Variants in MEF2A observed in about 807,000 individuals in gnomAD.
The protein encoded by MEF2A is myocyte enhancer factor 2A.
MEF2A carries 28 observed loss-of-function variants against 55.8 expected under a neutral mutation model. The ratio of observed to expected loss-of-function variants is 0.50; its 90% CI spans 0.37 to 0.69. The LOEUF is 0.69. MEF2A is among the 30% of genes least tolerant of loss of function. The probability of loss-of-function intolerance (pLI) is 0.00; values close to 1 mark genes in which losing one functional copy is unlikely to be tolerated. For missense variants in MEF2A, 528 were observed against 626.2 expected, an observed-to-expected ratio of 0.84 and a Z score of 1.67; for synonymous variants, 239 against 227.1, an observed-to-expected ratio of 1.05 and a Z score of -0.47.
At chr15:99,691,832 A>C (rs1045470066) in intron 8 of MEF2A, among the ~76,000 whole-genome samples, 2 of 152,230 alleles carry the variant, frequency 1.3e-5, no homozygotes, top group Admixed American at 1.3e-4. Context: ...ATTTAACTGT[A>C]TAAAGAATGC....
chr15:99,710,839 T>C (rs2058564215), intron 11 of MEF2A, 79 bp downstream of exon 11: 1 of 1,495,250 alleles, frequency 6.7e-7, no homozygotes. Flanking sequence ...AGCCTTTTGC[T>C]CTGTTGAGTT....
chr15:99,659,722 A>G, intron 4 of MEF2A, among the ~76,000 whole-genome samples: 1 of 152,164 alleles, frequency 6.6e-6, no homozygotes, highest in Non-Finnish European at 1.5e-5. Flanking sequence ...TCTCCTCTAT[A>G]AGGGTAGAAG....
intron 4 of MEF2A, among the ~76,000 whole-genome samples, chr15:99,656,898 C>G (rs1046390834): frequency 3.9e-5 from 6 of 152,046 alleles, no homozygotes; most frequent in Admixed American, 2.0e-4. Context: ...TGAACGCTAT[C>G]TAATTCTAGA....
rs1435130862 is a variant in MEF2A at position 99,659,139 on chromosome 15, C to G, written c.259-12184C>G. 2.0e-5 allele frequency among the ~76,000 whole-genome samples: 3 copies of G among 152,242 alleles called. No individual in the cohort carries two copies. In the East Asian group the frequency reaches 5.8e-4, roughly 29 times the overall value. ...TTGTCTGTGGTGCACTGAGAATCAGCTCTATCTTAGTATTCATTTACGTGT... is the reference window on the plus strand; with the variant it reads ...TTGTCTGTGGTGCACTGAGAATCAGGTCTATCTTAGTATTCATTTACGTGT... On this transcript the variant is annotated intron_variant, in intron 4 of 11. Transcript: ENST00000557942.
At chr15:99,685,327 C>T (rs148347059) in intron 7 of MEF2A, among the ~76,000 whole-genome samples, 21 of 152,292 alleles carry the variant, frequency 1.4e-4, no homozygotes, top group African/African-American at 4.3e-4. Context: ...CATCCGTGAG[C>T]ATGAGATGTG....
intron 1 of MEF2A, among the ~76,000 whole-genome samples, chr15:99,595,722 A>G (rs1970931758): frequency 6.6e-6 from 1 of 152,232 alleles, no homozygotes; most frequent in East Asian, 1.9e-4. Context: ...TGATGGTGAT[A>G]GTTAAGGTGT....
chr15:99,589,383 CTTTCT>C (rs1253671072), intron 1 of MEF2A, among the ~76,000 whole-genome samples: 2 of 151,994 alleles, frequency 1.3e-5, no homozygotes, highest in African/African-American at 4.8e-5. Context: ...TGGTGATGTC[CTTTCT>C]TTTATTTCTG....
At chr15:99,675,955 G>C (rs2051917990) in intron 7 of MEF2A, among the ~76,000 whole-genome samples, 2 of 151,962 alleles carry the variant, frequency 1.3e-5, no homozygotes, top group Admixed American at 6.6e-5. Flanking sequence ...GAGGAGAATT[G>C]CTTGAATCCG....
intron 2 of MEF2A, among the ~76,000 whole-genome samples, chr15:99,606,467 A>G (rs576062590): frequency 5.1e-4 from 78 of 152,314 alleles, no homozygotes; most frequent in African/African-American, 1.9e-3. Context: ...AGTAGAGAAG[A>G]TATCTGCAGT....
Position 99,713,161 on chromosome 15 carries a change from C to T in MEF2A, c.*390C>T, listed in dbSNP as rs2058843767. 1 of 423,550 alleles carries T rather than the reference C, an allele frequency of 2.4e-6. No homozygotes were observed. Among genetic ancestry groups the T allele is most frequent in the Admixed American group, 3.9e-5 (1 of 25,952 alleles). 26.2% of individuals were successfully genotyped at this position (423,550 alleles called of 1,614,324 possible). A position where few individuals can be genotyped will look rare whatever the true frequency, so the allele number is the denominator to read the frequency against. ...AGGGCCCCCTACTTGTTTTATTTAA[C>T]TGTGCAGTGACTGTAGTTACTTAAG... On this transcript the variant is annotated 3_prime_UTR_variant, in exon 12 of 12. Coordinates refer to ENST00000557942, the MANE Select transcript of MEF2A (RefSeq NM_001319206.4).
chr15:99,697,457 AT>A (rs200544309), intron 8 of MEF2A, among the ~76,000 whole-genome samples: 1,718 of 150,210 alleles, frequency 0.011, 15 homozygotes, highest in African/African-American at 0.027. Flanking sequence ...GGAGTTTGAA[AT>A]TTAAAAAAAA....
intron 10 of MEF2A, among the ~76,000 whole-genome samples, chr15:99,707,479 C>T (rs544168194): frequency 1.3e-5 from 2 of 152,248 alleles, no homozygotes; most frequent in South Asian, 2.1e-4. Flanking sequence ...GGCATTTCAT[C>T]TTAAAATGCC....
At chr15:99,702,685 C>A (rs1046439409) in intron 8 of MEF2A, among the ~76,000 whole-genome samples, 4 of 152,098 alleles carry the variant, frequency 2.6e-5, no homozygotes, top group Admixed American at 6.6e-5. Flanking sequence ...AGCCTTATTT[C>A]TTTTCTTTAC....
chr15:99,602,653 G>GGGTGT (rs1555454713), intron 2 of MEF2A, among the ~76,000 whole-genome samples: 2 of 44,870 alleles, frequency 4.5e-5, no homozygotes, highest in African/African-American at 1.4e-4. Flanking sequence ...ACATTCCTGG[G>GGGTGT]GTGTGTGTGT....
In MEF2A at chr15:99,712,731, C is replaced by A; in HGVS notation, c.1478C>A (p.Pro493His). The part of the protein sequence containing the change: ...RPPNTEDRES[P>H]SVKRMRMDAW... ...CCAAACACTGAGGACAGAGAAAGCCCTTCTGTAAAGCGAATGAGGATGGAC... is the reference window on the plus strand; with the variant it reads ...CCAAACACTGAGGACAGAGAAAGCCATTCTGTAAAGCGAATGAGGATGGAC... The change falls in exon 12 of 12, where the codon CCT becomes CAT. Residue 493 changes from proline (P) to histidine (H), a missense_variant. Transcript: ENST00000557942. This position sits in a 1 kb window ranked among gnomAD's most constrained non-coding sequence, Gnocchi z 4.1. 1 of 1,564,032 alleles carries A rather than the reference C, an allele frequency of 6.4e-7. No individual in the cohort carries two copies. The highest frequency in any genetic ancestry group is 1.2e-5 in the South Asian group (1 of 84,558).
chr15:99,694,477 ACT>A (rs1347716963), intron 8 of MEF2A, among the ~76,000 whole-genome samples: 1 of 152,252 alleles, frequency 6.6e-6, no homozygotes, highest in African/African-American at 2.4e-5. Flanking sequence ...TCCAATGAGT[ACT>A]ACATGCGAGT....
At chr15:99,679,325 C>T (rs1255582159) in intron 7 of MEF2A, among the ~76,000 whole-genome samples, 1 of 152,186 alleles carries the variant, frequency 6.6e-6, no homozygotes, top group African/African-American at 2.4e-5. Context: ...TAGTACAGAT[C>T]TCTGTCAACA....
intron 5 of MEF2A, among the ~76,000 whole-genome samples, chr15:99,671,839 C>T (rs187768903): frequency 7.5e-4 from 114 of 152,246 alleles, no homozygotes; most frequent in Middle Eastern, 3.4e-3. Context: ...TGTTCAGTAT[C>T]TTAAATGTAG....
At chr15:99,617,244 A>G (rs539851848) in intron 2 of MEF2A, among the ~76,000 whole-genome samples, 3 of 142,986 alleles carry the variant, frequency 2.1e-5, no homozygotes, top group African/African-American at 7.4e-5. Flanking sequence ...TTCATTTTTA[A>G]GGCCATATAT....
Sources: gnomAD v4.1 joint callset for allele counts (sites outside exome capture counted in the v4.1 genomes callset) on GRCh38, gnomAD v4.1.1 for gene constraint, Gnocchi (gnomAD v3.1) non-coding constraint, MANE v1.5 for transcripts, NCBI Gene and HGNC (gene_info 2026-07-23, HGNC 2026-07-21) for gene names.